The following DNAH12 variants were observed in gnomAD, a reference collection of about 807,000 sequenced individuals.
The protein encoded by DNAH12 is axonemal beta dynein heavy chain 12.
Under a neutral mutation model 371.5 loss-of-function variants are expected in DNAH12, and 285 were observed. The observed-to-expected ratio is 0.77, with a 90% CI of 0.70 to 0.85. DNAH12 has a LOEUF of 0.85. Among genes scored for constraint, DNAH12 ranks in the 40% least tolerant of loss-of-function variants. DNAH12 has a pLI of 0.00. For synonymous variants in DNAH12, 1,200 were observed against 1,213.0 expected (o/e 0.99, Z 0.22); for missense variants, 3,611 against 3,689.4 (o/e 0.98, Z 0.55).
chr3:57,483,449 T>C lies in DNAH12; in HGVS notation c.1577A>G (p.Glu526Gly). 6.4e-7 allele frequency: 1 copy of C among 1,551,528 alleles called. No individual in the cohort carries two copies. Among genetic ancestry groups the C allele is most frequent in the South Asian group, 1.2e-5 (1 of 84,020 alleles). Reference sequence around the variant, plus strand: ...TACATAAGATATCAGATCCATCATCTCTTCTGTTGTTTCAGGGACTTTTAA... The same window carrying C: ...TACATAAGATATCAGATCCATCATCCCTTCTGTTGTTTCAGGGACTTTTAA... ...HALKVPETTE[E>G]MMDLISYVEK... is the part of the protein sequence containing the mutation. The change falls in exon 13 of 74, where the codon GAG becomes GGG. Residue 526 changes from glutamate (E) to glycine (G), a missense_variant. By Grantham distance (98) the Glu-to-Gly change is moderately conservative. Coordinates refer to ENST00000495027, the MANE Select transcript of DNAH12 (RefSeq NM_001366028.2).
chr3:57,303,905 T>A (rs2061414616), intron 69 of DNAH12, among the ~76,000 whole-genome samples: 1 of 152,134 alleles, frequency 6.6e-6, no homozygotes. Flanking sequence ...GAAGTGAAAT[T>A]TAAATGGCCT....
intron 65 of DNAH12, among the ~76,000 whole-genome samples, chr3:57,318,422 T>G (rs990024661): frequency 6.6e-6 from 1 of 152,142 alleles, no homozygotes; most frequent in Non-Finnish European, 1.5e-5. Flanking sequence ...ACTATACTTC[T>G]CCCATTGTAT....
At position 57,519,839 on chromosome 3, in the gene DNAH12, T is replaced by C. The variant is rs550708798; in HGVS notation, c.279+3744A>G. 1.7e-4 allele frequency: 185 copies of C among 1,118,072 alleles called. 3 individuals are homozygous for C. In the South Asian group the frequency reaches 2.1e-3, roughly 13 times the overall value. The allele number at this position is 1,118,072 out of a possible 1,614,324, so 69.3% of individuals were successfully genotyped here. A position where few individuals can be genotyped will look rare whatever the true frequency, so the allele number is the denominator to read the frequency against. On this transcript the variant is annotated intron_variant, in intron 4 of 73. Transcript: ENST00000495027. Reference sequence around the variant, plus strand: ...GCTTGACATCTGAGACAGGCATCCATCACCTGGACTCTGCAGATGGCGCAC... The same window carrying C: ...GCTTGACATCTGAGACAGGCATCCACCACCTGGACTCTGCAGATGGCGCAC...
At chr3:57,327,075 C>G (rs1366183611) in intron 62 of DNAH12, among the ~76,000 whole-genome samples, 1 of 151,260 alleles carries the variant, frequency 6.6e-6, no homozygotes, top group Non-Finnish European at 1.5e-5. Flanking sequence ...CCTGAGTGAC[C>G]TACAAAGAGA....
intron 13 of DNAH12, among the ~76,000 whole-genome samples, chr3:57,475,977 G>C (rs965900886): frequency 7.9e-5 from 12 of 152,258 alleles, no homozygotes; most frequent in Admixed American, 3.3e-4. Context: ...AGCATTGCCA[G>C]TAATATCAAA....
At chr3:57,386,840 TA>T (rs2063508166) in intron 46 of DNAH12, among the ~76,000 whole-genome samples, 1 of 152,174 alleles carries the variant, frequency 6.6e-6, no homozygotes, top group African/African-American at 2.4e-5. Context: ...TCCTATCTTT[TA>T]AAAAACCACA....
intron 58 of DNAH12, among the ~76,000 whole-genome samples, chr3:57,359,650 CTT>C (rs1370968232): frequency 6.7e-6 from 1 of 148,574 alleles, no homozygotes; most frequent in East Asian, 2.0e-4. Context: ...ACTTGTAAAA[CTT>C]TTTCTGGTCT....
At chr3:57,537,569 T>G (rs2069098124) in intron 2 of DNAH12, among the ~76,000 whole-genome samples, 1 of 152,114 alleles carries the variant, frequency 6.6e-6, no homozygotes, top group Non-Finnish European at 1.5e-5. Flanking sequence ...ATCTAACAGG[T>G]GCAGATAGCA....
intron 11 of DNAH12, 99 bp downstream of exon 11, chr3:57,501,222 A>G (rs1488749313): frequency 4.1e-5 from 35 of 855,312 alleles, no homozygotes; most frequent in Non-Finnish European, 4.7e-5. Context: ...GATATTTTAA[A>G]TAAGAAATTC....
intron 30 of DNAH12, among the ~76,000 whole-genome samples, chr3:57,435,434 T>G (rs2153366976): frequency 6.7e-6 from 1 of 149,492 alleles, no homozygotes; most frequent in South Asian, 2.1e-4. Flanking sequence ...ATAAAATGAT[T>G]CATGAAAAAC....
At chr3:57,459,903 G>C in intron 19 of DNAH12, 117 bp from the exon 20 acceptor site, 1 of 910,988 alleles carries the variant, frequency 1.1e-6, no homozygotes, top group Non-Finnish European at 1.5e-6. Context: ...ACATCTCACA[G>C]CTTAAGGTTA....
intron 60 of DNAH12, among the ~76,000 whole-genome samples, chr3:57,339,349 C>CGA (rs2062333009): frequency 6.7e-6 from 1 of 149,514 alleles, no homozygotes; most frequent in Non-Finnish European, 1.5e-5. Flanking sequence ...TCCCCCTCTC[C>CGA]GAGAAACACC....
At position 57,298,105 on chromosome 3, in the gene DNAH12, G is replaced by T. The variant is rs1288884075; in HGVS notation, c.11395-1121C>A. Among the ~76,000 whole-genome samples, 5 of 152,258 alleles carry T rather than the reference G, an allele frequency of 3.3e-5. No homozygotes were observed. In the East Asian group the frequency reaches 9.7e-4, roughly 29 times the overall value. ...TCTTTGTGCTGGGTGGACATTTGTTGTTTTCCTGCCTATCTTGAAGTGATA... is the reference window on the plus strand; with the variant it reads ...TCTTTGTGCTGGGTGGACATTTGTTTTTTTCCTGCCTATCTTGAAGTGATA... On this transcript the variant is annotated intron_variant, in intron 70 of 73. Transcript: ENST00000495027.
chr3:57,374,661 G>A (rs1278664669), intron 55 of DNAH12, among the ~76,000 whole-genome samples: 6 of 152,182 alleles, frequency 3.9e-5, no homozygotes, highest in Admixed American at 1.3e-4. Context: ...AGGTCCATCA[G>A]TAGGAGAATA....
At chr3:57,316,003 C>T (rs936904703) in intron 65 of DNAH12, among the ~76,000 whole-genome samples, 12 of 152,168 alleles carry the variant, frequency 7.9e-5, no homozygotes, top group Middle Eastern at 3.4e-3. Flanking sequence ...AGATATGGAC[C>T]GAAGAGCTGT....
chr3:57,318,836 C>A (rs556472585), intron 65 of DNAH12, among the ~76,000 whole-genome samples: 6 of 151,914 alleles, frequency 3.9e-5, no homozygotes, highest in African/African-American at 1.2e-4. Context: ...AAGCCTCTAG[C>A]TTTGTTTTTT....
At position 57,384,914 on chromosome 3, in the gene DNAH12, T is replaced by C. The variant is rs1017705974; in HGVS notation, c.7775A>G (p.Gln2592Arg). Residue 2592 changes from glutamine (Q) to arginine (R), a missense_variant, in exon 49 of 74, where the codon CAA becomes CGA. By Grantham distance (43) the Gln-to-Arg change is conservative. This residue lies in a region of DNAH12 where 2,266 missense variants were observed against 2,236.9 expected (regional missense o/e 1.01). Transcript: ENST00000495027. ...ACTTTCACACTCATTTTTCAGAGCT[T>C]GGGCTTCTTCAGCTTTCCCACTGGC... ...EIASGKAEEA[Q>R]ALKNECESDL... is the part of the protein sequence containing the mutation. 7.0e-4 allele frequency: 107 copies of C among 152,352 alleles called. 2 individuals are homozygous for C. The highest frequency in any genetic ancestry group is 2.5e-3 in the African/African-American group (106 of 41,580). 9.4% of individuals were successfully genotyped at this position (152,352 alleles called of 1,614,324 possible).
rs2061551681 is a variant in DNAH12, at chr3:57,309,836, G to A, written c.10915C>T (p.His3639Tyr). 1.3e-6 allele frequency: 2 copies of A among 1,545,026 alleles called. No homozygotes were observed. The highest frequency in any genetic ancestry group is 2.8e-5 in the African/African-American group (2 of 72,668). ...EFIKKLPFTQ[H>Y]PEIFGLHENV... ...TCATGTAATCCAAATATCTCAGGGTGTTGAGTAAATGGAAGTTTCTACCAG... is the reference window on the plus strand; with the variant it reads ...TCATGTAATCCAAATATCTCAGGGTATTGAGTAAATGGAAGTTTCTACCAG... Residue 3639 changes from histidine to tyrosine, a missense_variant, in exon 68 of 74, where the codon CAC becomes TAC. Coordinates refer to ENST00000495027, the MANE Select transcript of DNAH12 (RefSeq NM_001366028.2).
At chr3:57,419,659 AAG>A (rs1379286346) in intron 36 of DNAH12, 141 bp from the exon 37 acceptor site, 1 of 492,808 alleles carries the variant, frequency 2.0e-6, no homozygotes, top group Non-Finnish European at 3.2e-6. Flanking sequence ...ATTCACATAA[AAG>A]AACACATATA....
Sources: gnomAD v4.1 joint callset for allele counts (sites outside exome capture counted in the v4.1 genomes callset) on GRCh38, gnomAD v4.1.1 for gene constraint, gnomAD v4.1.1 regional missense constraint, MANE v1.5 for transcripts, NCBI Gene and HGNC (gene_info 2026-07-23, HGNC 2026-07-21) for gene names.